Variants in NME9 observed in about 807,000 individuals in gnomAD.
NME9 encodes thioredoxin domain-containing protein 6.
Under a neutral mutation model 44.4 loss-of-function variants are expected in NME9, and 48 were observed. The ratio of observed to expected loss-of-function variants is 1.08; its 90% CI spans 0.86 to 1.37. The LOEUF (loss-of-function observed/expected upper bound fraction) is 1.37, where lower values mean the gene tolerates loss of function less well. NME9 is among the 40% of genes most tolerant of loss of function. NME9 has a pLI of 0.00. For synonymous variants in NME9, 139 were observed against 147.1 expected, an observed-to-expected ratio of 0.94 and a Z score of 0.40; for missense variants, 325 against 405.2, an observed-to-expected ratio of 0.80 and a Z score of 1.70.
intron 7 of NME9, 126 bp downstream of exon 7, chr3:138,306,272 C>A: frequency 1.1e-6 from 1 of 876,750 alleles, no homozygotes; most frequent in Admixed American, 2.0e-5. Flanking sequence ...TTGAATGGAA[C>A]TTGAGCTACA....
At chr3:138,274,232 CAT>C (rs368854939) in intron 8 of NME9, among the ~76,000 whole-genome samples, 5,489 of 145,382 alleles carry the variant, frequency 0.038, 328 homozygotes, top group African/African-American at 0.14. Flanking sequence ...TGTGTATATA[CAT>C]GTGTGTGTGT....
At chr3:138,280,700 GC>G (rs2049817683) in intron 8 of NME9, among the ~76,000 whole-genome samples, 1 of 151,760 alleles carries the variant, frequency 6.6e-6, no homozygotes, top group African/African-American at 2.4e-5. Context: ...CACCATGTTG[GC>G]CAAGCTGGTC....
At chr3:138,308,945 GAAAAAAA>G (rs1002890235) in intron 6 of NME9, among the ~76,000 whole-genome samples, 1,276 of 52,908 alleles carry the variant, frequency 0.024, 18 homozygotes, top group African/African-American at 0.061. Flanking sequence ...AATACTGAAA[GAAAAAAA>G]AAAAAAAAAA....
chr3:138,262,438 T>G (rs2047834569), exon 9 of NME9: 10 of 1,338,418 alleles, frequency 7.5e-6, no homozygotes, highest in Non-Finnish European at 1.0e-5. Flanking sequence ...CCCTGATCAT[T>G]GTTAATTTCA....
Position 138,318,237 on chromosome 3 carries a change from C to T in NME9, c.196-18G>A. On this transcript the variant is annotated intron_variant, in intron 3 of 10. Coordinates refer to ENST00000333911, the MANE Select transcript of NME9 (RefSeq NM_001349018.2). Reference sequence around the variant, plus strand: ...GCCTCTGCCTAAAGAAAGCCACTATCAGCAGGTACCCTGGATGCAGGGGGT... The same window carrying T: ...GCCTCTGCCTAAAGAAAGCCACTATTAGCAGGTACCCTGGATGCAGGGGGT... 6.4e-7 allele frequency: 1 copy of T among 1,572,114 alleles called. No individual in the cohort carries two copies. Among genetic ancestry groups the T allele is most frequent in the Non-Finnish European group, 8.8e-7 (1 of 1,141,786 alleles).
rs2050832356 is a variant in NME9 at position 138,290,485 on chromosome 3, G to A, written c.745+13022C>T. 9 of 1,224,396 alleles carry A rather than the reference G, an allele frequency of 7.4e-6. No individual in the cohort carries two copies. In the South Asian group the frequency reaches 9.2e-5, roughly 13 times the overall value. 75.8% of individuals were successfully genotyped at this position (1,224,396 alleles called of 1,614,324 possible). A position where few individuals can be genotyped will look rare whatever the true frequency, so the allele number is the denominator to read the frequency against. On this transcript the variant is annotated intron_variant, in intron 8 of 8. Coordinates refer to the NME9 transcript ENST00000317876. The stretch of plus-strand genomic sequence containing the variant: ...CTGGTAAGGCTCTAGATTGTTAATT[G>A]TACATCAAAGAGAGCATTTGCCTGG...
chr3:138,319,331 A>G, intron 3 of NME9, 147 bp downstream of exon 3: 4 of 609,766 alleles, frequency 6.6e-6, no homozygotes, highest in Non-Finnish European at 5.8e-6. Flanking sequence ...ATTAGAAAGT[A>G]TCATGACAGT....
Position 138,264,520 on chromosome 3 carries a change from A to T in NME9, c.746-1934T>A, listed in dbSNP as rs6785463. On this transcript the variant is annotated intron_variant, in intron 8 of 8. Coordinates refer to the NME9 transcript ENST00000317876. The stretch of plus-strand genomic sequence containing the variant: ...CTGCAACCTCCACCTCCCCGGTTCA[A>T]GCGATTCTTCTGCCTCAGCCTCTCT... Among the ~76,000 whole-genome samples, 1,013 of 145,714 alleles carry T rather than the reference A, an allele frequency of 7.0e-3. 9 individuals are homozygous for T. Among genetic ancestry groups the T allele is most frequent in the African/African-American group, 0.025 (970 of 39,270 alleles).
At chr3:138,305,889 T>C in intron 8 of NME9, 115 bp downstream of exon 8, 1 of 743,896 alleles carries the variant, frequency 1.3e-6, no homozygotes, top group Non-Finnish European at 2.4e-6. Flanking sequence ...CACTTGCTGT[T>C]CCTATTTTGG....
chr3:138,284,010 G>A (rs1352636131), intron 8 of NME9, among the ~76,000 whole-genome samples: 1 of 152,214 alleles, frequency 6.6e-6, no homozygotes, highest in Non-Finnish European at 1.5e-5. Flanking sequence ...GCTTCCCTGG[G>A]AGGGGAGTTG....
Position 138,301,680 on chromosome 3 carries a change from C to G in NME9, c.953G>C (p.Gly318Ala). The change falls in exon 11 of 11, where the codon GGG becomes GCG. Residue 318 changes from glycine to alanine, a missense_variant. By Grantham distance (60) the Gly-to-Ala change is moderately conservative (BLOSUM62 0). Transcript: ENST00000333911. ...AGGAAAGCAAAGCGCCTCAGTGGGCCCCGCTGTTGCTTCAGCCTCACCGCC... is the reference window on the plus strand; with the variant it reads ...AGGAAAGCAAAGCGCCTCAGTGGGCGCCGCTGTTGCTTCAGCCTCACCGCC... ...PQGGEAEATA[G>A]PTEALCFPED... 6.5e-7 allele frequency: 1 copy of G among 1,536,072 alleles called. No homozygotes were observed. The highest frequency in any genetic ancestry group is 8.7e-7 in the Non-Finnish European group (1 of 1,146,882).
rs145467646 is a variant in NME9, at chr3:138,305,006, G to A, written c.658C>T (p.His220Tyr). The change falls in exon 9 of 11, where the codon CAT becomes TAT. Residue 220 changes from histidine to tyrosine, a missense_variant. His to Tyr is a moderately conservative substitution (Grantham distance 83). Transcript: ENST00000333911. ...TGGCTTGGTCCACTGCACATGTGAT[G>A]TACCAGCTTCTCAAATGCCTCCTAG... ...AGEEAFEKLV[H>Y]HMCSGPSHLL... is the part of the protein sequence containing the mutation. 6.2e-7 allele frequency: 1 copy of A among 1,614,026 alleles called. No individual in the cohort carries two copies. Among genetic ancestry groups the A allele is most frequent in the African/African-American group, 1.3e-5 (1 of 75,024 alleles).
chr3:138,302,659 T>G (rs980448076), intron 10 of NME9, among the ~76,000 whole-genome samples: 1 of 152,198 alleles, frequency 6.6e-6, no homozygotes, highest in Non-Finnish European at 1.5e-5. Context: ...CAGTGGCAAG[T>G]CCACCTATTT....
Position 138,322,485 on chromosome 3 carries a change from G to GGTGTGT in NME9, c.91+2382_91+2387dup, listed in dbSNP as rs10580643. On this transcript the variant is annotated intron_variant, in intron 2 of 10. Coordinates refer to ENST00000333911, the MANE Select transcript of NME9 (RefSeq NM_001349018.2). The stretch of plus-strand genomic sequence containing the variant: ...AGGAATGGCAGAGACAAGAAAAAGG[G>GGTGTGT]GTGTGTGTGTGTGTGTGTGTGTGTG... Among the ~76,000 whole-genome samples, 1,058 of 146,418 alleles carry GGTGTGT rather than the reference G, an allele frequency of 7.2e-3. 17 individuals carry two copies. The highest frequency in any genetic ancestry group is 0.021 in the African/African-American group (853 of 39,808).
intron 6 of NME9, among the ~76,000 whole-genome samples, chr3:138,308,959 A>C (rs1199830861): frequency 3.3e-5 from 5 of 151,266 alleles, no homozygotes; most frequent in South Asian, 4.2e-4. Context: ...AAAAAAAAAA[A>C]AAAAAAAAAA....
rs2051836354 is a variant in NME9 at position 138,301,401 on chromosome 3, C to T, written c.*239G>A. On this transcript the variant is annotated 3_prime_UTR_variant, in exon 11 of 11. Transcript: ENST00000333911. Reference sequence around the variant, plus strand: ...TGTATTTTTAGTAGAGACAGGGTTTCACCATGTTGGCTAGGCTGGTGTCAA... The same window carrying T: ...TGTATTTTTAGTAGAGACAGGGTTTTACCATGTTGGCTAGGCTGGTGTCAA... The T allele has an allele frequency of 2.9e-6, 2 of 691,430 alleles. No homozygotes were observed. The highest frequency in any genetic ancestry group is 4.4e-5 in the East Asian group (1 of 22,978). 42.8% of individuals were successfully genotyped at this position (691,430 alleles called of 1,614,324 possible).
chr3:138,264,321 G>A, intron 8 of NME9: 2 of 754,358 alleles, frequency 2.7e-6, no homozygotes, highest in South Asian at 1.9e-5. Flanking sequence ...TTTGTGTAGA[G>A]CATTTTGAAC....
At chr3:138,282,685 C>T (rs1377226782) in intron 8 of NME9, among the ~76,000 whole-genome samples, 1 of 150,682 alleles carries the variant, frequency 6.6e-6, no homozygotes, top group Non-Finnish European at 1.5e-5. Flanking sequence ...ATTACCTTAT[C>T]CTGTAGGCTC....
At chr3:138,292,530 CT>C (rs1436631888) in intron 8 of NME9, among the ~76,000 whole-genome samples, 1 of 152,126 alleles carries the variant, frequency 6.6e-6, no homozygotes, top group Non-Finnish European at 1.5e-5. Flanking sequence ...ACCAACGGGA[CT>C]TACTCACAGA....
Sources: gnomAD v4.1 joint callset for allele counts (sites outside exome capture counted in the v4.1 genomes callset) on GRCh38, gnomAD v4.1.1 for gene constraint, MANE v1.5 for transcripts, NCBI Gene and HGNC (gene_info 2026-07-23, HGNC 2026-07-21) for gene names.